Variants in PRKG1 observed in about 807,000 individuals in gnomAD.
PRKG1 encodes cGMP-dependent protein kinase 1.
A neutral mutation model predicts 88.1 loss-of-function variants in PRKG1; 35 were observed. The observed-to-expected ratio is 0.40, with a 90% CI of 0.30 to 0.53. The LOEUF is 0.53. Ranked by LOEUF, PRKG1 falls within the 20% of genes least tolerant of loss-of-function variation. PRKG1 has a pLI of 0.59. For synonymous variants in PRKG1, 303 were observed against 292.5 expected, an observed-to-expected ratio of 1.04 and a Z score of -0.37; for missense variants, 540 against 839.8, an observed-to-expected ratio of 0.64 and a Z score of 4.41.
chr10:51,439,627 G>A (rs891375046), intron 2 of PRKG1, among the ~76,000 whole-genome samples: 1 of 151,846 alleles, frequency 6.6e-6, no homozygotes, highest in African/African-American at 2.4e-5. Context: ...CATTACTAAC[G>A]TTTTAAAGAT....
intron 2 of PRKG1, among the ~76,000 whole-genome samples, chr10:51,399,410 C>T (rs375419214): frequency 2.4e-4 from 37 of 151,970 alleles, no homozygotes; most frequent in African/African-American, 8.5e-4. Flanking sequence ...AACAATGTGA[C>T]ATACAACAGT....
At chr10:51,147,724 C>T (rs1043765515) in intron 1 of PRKG1, among the ~76,000 whole-genome samples, 1 of 152,080 alleles carries the variant, frequency 6.6e-6, no homozygotes, top group Non-Finnish European at 1.5e-5. Context: ...CCAGTGATTC[C>T]TTTGTTTTGT....
At position 51,898,099 on chromosome 10, in the gene PRKG1, A is replaced by C. The variant is rs147804872; in HGVS notation, c.699-9408A>C. 6.5e-3 allele frequency among the ~76,000 whole-genome samples: 983 copies of C among 152,086 alleles called. 11 individuals carry two copies. The highest frequency in any genetic ancestry group is 0.02 in the African/African-American group (832 of 41,500). The stretch of plus-strand genomic sequence containing the variant: ...CTCCTGGAATCTACCAGGCACTTAA[A>C]AACCCTTGGCTCACTCTGTTCACTC... On this transcript the variant is annotated intron_variant, in intron 4 of 17. Transcript: ENST00000373980.
chr10:51,782,936 G>C (rs537332727), intron 3 of PRKG1, among the ~76,000 whole-genome samples: 1 of 152,114 alleles, frequency 6.6e-6, no homozygotes, highest in African/African-American at 2.4e-5. Context: ...CCTGTATTCA[G>C]GTAGCCTAAC....
chr10:51,124,910 CT>C (rs1401087266), intron 1 of PRKG1, among the ~76,000 whole-genome samples: 1 of 152,188 alleles, frequency 6.6e-6, no homozygotes, highest in Non-Finnish European at 1.5e-5. Flanking sequence ...CAAAGATGCT[CT>C]CCTTTGAGTT....
intron 2 of PRKG1, among the ~76,000 whole-genome samples, chr10:51,386,014 TA>T (rs1837239955): frequency 2.0e-5 from 3 of 152,146 alleles, no homozygotes; most frequent in African/African-American, 7.2e-5. Context: ...GTTTAGAGTG[TA>T]AAAATGTATT....
At chr10:51,064,141 A>G (rs956178804) in intron 1 of PRKG1, among the ~76,000 whole-genome samples, 1 of 152,122 alleles carries the variant, frequency 6.6e-6, no homozygotes, top group Non-Finnish European at 1.5e-5. Flanking sequence ...ATAGAAAGGC[A>G]TATCATATCA....
Position 51,706,772 on chromosome 10 carries a change from A to T in PRKG1, c.593-97813A>T, listed in dbSNP as rs113452034. On this transcript the variant is annotated intron_variant, in intron 3 of 17. Transcript: ENST00000373980. The stretch of plus-strand genomic sequence containing the variant: ...GTAATTTTGTGGCATTGTACAAATT[A>T]CTTCGCCTCTCTGTGGTTCCATTTC... 8.5e-4 allele frequency among the ~76,000 whole-genome samples: 129 copies of T among 152,280 alleles called. No homozygotes were observed. The Middle Eastern group carries it at 0.027, about 32-fold the overall frequency.
At chr10:51,390,243 C>CA (rs1226869724) in intron 2 of PRKG1, among the ~76,000 whole-genome samples, 1 of 152,208 alleles carries the variant, frequency 6.6e-6, no homozygotes, top group African/African-American at 2.4e-5. Context: ...TAACTGGAAT[C>CA]ACTGGGTGAG....
intron 7 of PRKG1, among the ~76,000 whole-genome samples, chr10:52,122,149 G>A (rs1847834797): frequency 6.6e-6 from 1 of 152,178 alleles, no homozygotes; most frequent in African/African-American, 2.4e-5. Context: ...ATTCCATGGT[G>A]GAAGGCAAAA....
chr10:51,966,517 T>A (rs1384696676), intron 5 of PRKG1, among the ~76,000 whole-genome samples: 1 of 152,202 alleles, frequency 6.6e-6, no homozygotes. Context: ...TTTACGTCAA[T>A]GCCATTTCTT....
At chr10:51,689,823 A>T (rs961686875) in intron 3 of PRKG1, among the ~76,000 whole-genome samples, 2 of 151,972 alleles carry the variant, frequency 1.3e-5, no homozygotes, top group Admixed American at 6.6e-5. Flanking sequence ...CAGAGATGAA[A>T]ATGAGTCTGG....
chr10:52,013,487 G>A (rs1187092370), intron 5 of PRKG1, among the ~76,000 whole-genome samples: 1 of 152,058 alleles, frequency 6.6e-6, no homozygotes, highest in African/African-American at 2.4e-5. Context: ...AATAAAGTGA[G>A]GAGGAGGAGG....
At chr10:51,760,465 A>T (rs1589264633) in intron 3 of PRKG1, among the ~76,000 whole-genome samples, 1 of 135,230 alleles carries the variant, frequency 7.4e-6, no homozygotes, top group African/African-American at 2.7e-5. Context: ...CTATTGCTTG[A>T]CTTTTCGTTT....
At chr10:52,218,195 A>T (rs1263190519) in intron 9 of PRKG1, among the ~76,000 whole-genome samples, 1 of 147,730 alleles carries the variant, frequency 6.8e-6, no homozygotes, top group Non-Finnish European at 1.5e-5. Flanking sequence ...TGGGTGACAA[A>T]GCGAGACTCC....
intron 4 of PRKG1, among the ~76,000 whole-genome samples, chr10:51,820,565 G>A (rs1839717359): frequency 6.6e-6 from 1 of 152,070 alleles, no homozygotes; most frequent in African/African-American, 2.4e-5. Context: ...TTTCCTATGA[G>A]CCTAGGACCA....
intron 2 of PRKG1, among the ~76,000 whole-genome samples, chr10:51,289,758 A>G (rs1840534526): frequency 6.6e-6 from 1 of 151,500 alleles, no homozygotes; most frequent in Non-Finnish European, 1.5e-5. Flanking sequence ...TTGTGTGTGT[A>G]ATATTTGTAA....
intron 3 of PRKG1, among the ~76,000 whole-genome samples, chr10:51,802,555 C>T (rs1178116226): frequency 1.3e-5 from 2 of 152,042 alleles, no homozygotes. Context: ...TGCAGGTGAA[C>T]TTCATGTACA....
At chr10:51,692,497 C>T (rs1258934497) in intron 3 of PRKG1, among the ~76,000 whole-genome samples, 1 of 152,170 alleles carries the variant, frequency 6.6e-6, no homozygotes, top group Non-Finnish European at 1.5e-5. Flanking sequence ...CCCACCTCTC[C>T]ATCCCAAAGT....
Sources: allele counts gnomAD v4.1 joint callset (sites outside exome capture counted in the v4.1 genomes callset), GRCh38; gene constraint gnomAD v4.1.1; transcripts MANE v1.5; gene names NCBI Gene and HGNC (gene_info 2026-07-23, HGNC 2026-07-21).